Variants in PER2 observed in about 807,000 individuals in gnomAD.
The protein encoded by PER2 is period circadian protein homolog 2.
A neutral mutation model predicts 121.0 loss-of-function variants in PER2; 66 were observed. That is an observed-to-expected ratio of 0.55 (90% confidence interval 0.45 to 0.67). The LOEUF (loss-of-function observed/expected upper bound fraction) is 0.67, where lower values mean the gene tolerates loss of function less well. Ranked by LOEUF, PER2 falls within the 30% of genes least tolerant of loss-of-function variation. The pLI is 0.00. For missense variants in PER2, 1,521 were observed against 1,635.0 expected (o/e 0.93, Z 1.20); for synonymous variants, 684 against 659.9 (o/e 1.04, Z -0.56).
Position 238,253,676 on chromosome 2 carries a change from C to T in PER2, c.2347G>A (p.Gly783Arg), listed in dbSNP as rs764765324. ...RTAPGLRNTS[G>R]IDSPWKKTGK... ...GTTTTTTTCCAAGGTGAATCTATTC[C>T]GGAAGTATTTCTTAGTCCAGGGGCA... Residue 783 changes from glycine (G) to arginine (R), a missense_variant, in exon 19 of 23, where the codon GGA becomes AGA. By Grantham distance (125) the Gly-to-Arg change is moderately radical. Transcript: ENST00000254657. This position sits in a 1 kb window ranked among gnomAD's most constrained non-coding sequence, Gnocchi z 5.6. The T allele has an allele frequency of 1.4e-5, 23 of 1,607,798 alleles. No homozygotes were observed. Among genetic ancestry groups the T allele is most frequent in the Middle Eastern group, 1.7e-4 (1 of 6,040 alleles).
Position 238,255,673 on chromosome 2 carries a change from C to T in PER2, c.2304G>A (p.Gly768=), listed in dbSNP as rs746712355. Residue 768 remains glycine, a synonymous_variant, in exon 18 of 23, where the codon GGG becomes GGA. Coordinates refer to ENST00000254657, the MANE Select transcript of PER2 (RefSeq NM_022817.3). The part of the protein sequence containing the change: ...CHYYLQERSK[G]QPSERTAPGL... ...ATCACTTACTTCGTTCACTTGGCTG[C>T]CCCTTGGATCTTTCTTGCAAGTAGT... 1 of 1,614,116 alleles carries T rather than the reference C, an allele frequency of 6.2e-7. No individual in the cohort carries two copies. Among genetic ancestry groups the T allele is most frequent in the African/African-American group, 1.3e-5 (1 of 74,942 alleles).
chr2:238,254,955 T>C (rs1400962457), intron 18 of PER2: 2 of 152,488 alleles, frequency 1.3e-5, no homozygotes, highest in Non-Finnish European at 2.9e-5. Flanking sequence ...CTGGGCTCAC[T>C]GGCTCTGATC....
chr2:238,249,510 T>C (rs1018805749), intron 21 of PER2, among the ~76,000 whole-genome samples: 3 of 152,202 alleles, frequency 2.0e-5, no homozygotes, highest in Non-Finnish European at 2.9e-5. Flanking sequence ...ATGGTTCATC[T>C]GGGAGATTCT....
At position 238,258,419 on chromosome 2, in the gene PER2, C is replaced by T. The variant is rs767688264; in HGVS notation, c.1776-19G>A. On this transcript the variant is annotated intron_variant, in intron 15 of 22. Transcript: ENST00000254657. ...CAAGTACCTGTGTGAAAGGCATGAACCACTGGTGAGGCCACACAACATGAG... is the reference window on the plus strand; with the variant it reads ...CAAGTACCTGTGTGAAAGGCATGAATCACTGGTGAGGCCACACAACATGAG... 11 of 1,614,032 alleles carry T rather than the reference C, an allele frequency of 6.8e-6. No homozygotes were observed. In the Admixed American group the frequency reaches 1.8e-4, roughly 27 times the overall value.
At chr2:238,274,594 G>A (rs1696393857) in intron 4 of PER2, among the ~76,000 whole-genome samples, 1 of 152,194 alleles carries the variant, frequency 6.6e-6, no homozygotes, top group African/African-American at 2.4e-5. Context: ...ACCTTAAATG[G>A]ACATAATCAC....
In PER2 at chr2:238,284,456, A is replaced by G. The variant is rs372376210; in HGVS notation, c.-20+3893T>C. 3.6e-3 allele frequency among the ~76,000 whole-genome samples: 548 copies of G among 152,056 alleles called. 3 individuals are homozygous for G. The highest frequency in any genetic ancestry group is 0.011 in the African/African-American group (450 of 41,474). The stretch of plus-strand genomic sequence containing the variant: ...GACTCTATCTCAAAAAAAAAAAAAA[A>G]AGAGAGAGAAAACGAAAAAGAAAAA... On this transcript the variant is annotated intron_variant, in intron 1 of 22. Coordinates refer to ENST00000254657, the MANE Select transcript of PER2 (RefSeq NM_022817.3).
chr2:238,298,226 G>A, the PER2 span, among the ~76,000 whole-genome samples: 2 of 151,832 alleles, frequency 1.3e-5, no homozygotes, highest in Non-Finnish European at 2.9e-5. Flanking sequence ...AGTAGAGATG[G>A]GGTTTCACCG....
At chr2:238,269,389 C>T (rs112606939) in intron 6 of PER2, among the ~76,000 whole-genome samples, 168 of 142,948 alleles carry the variant, frequency 1.2e-3, no homozygotes, top group African/African-American at 4.1e-3. Flanking sequence ...AACACACTCA[C>T]GGTGCACTGC....
In PER2 at chr2:238,261,293, G is replaced by A. The variant is rs939667311; in HGVS notation, c.1417-340C>T. The A allele has an allele frequency of 1.5e-5, 6 of 399,216 alleles. No individual in the cohort carries two copies. The East Asian group carries it at 2.3e-4, about 15-fold the overall frequency. 24.7% of individuals were successfully genotyped at this position (399,216 alleles called of 1,614,324 possible). ...ATGACAGCTTCACTCCACAGTCTCC[G>A]GGAACTGACAGGCAGGCGCCTACTC... On this transcript the variant is annotated intron_variant, in intron 12 of 22. Coordinates refer to ENST00000254657, the MANE Select transcript of PER2 (RefSeq NM_022817.3).
the PER2 span, chr2:238,299,273 C>G: frequency 2.6e-5 from 4 of 151,462 alleles, no homozygotes; most frequent in Non-Finnish European, 5.9e-5. Context: ...GGCGCAGTGG[C>G]TCACATCTGT....
intron 11 of PER2, 131 bp from the exon 12 acceptor site, chr2:238,261,968 G>A: frequency 1.3e-6 from 1 of 742,894 alleles, no homozygotes; most frequent in Non-Finnish European, 2.3e-6. Flanking sequence ...CCAGGCTGCT[G>A]CCTGTCCACT....
intron 20 of PER2, among the ~76,000 whole-genome samples, chr2:238,250,995 G>A (rs964947270): frequency 1.3e-5 from 2 of 152,206 alleles, no homozygotes; most frequent in Non-Finnish European, 2.9e-5. Flanking sequence ...GTGGAGCTGC[G>A]TGTTAGAAGC....
At position 238,277,801 on chromosome 2, in the gene PER2, T is replaced by C. The variant is rs1468088628; in HGVS notation, c.136A>G (p.Asn46Asp). The change falls in exon 2 of 23, where the codon AAC becomes GAC. Residue 46 changes from asparagine (N) to aspartate (D), a missense_variant. Asn to Asp is a conservative substitution (Grantham distance 23). Coordinates refer to ENST00000254657, the MANE Select transcript of PER2 (RefSeq NM_022817.3). The part of the protein sequence containing the change: ...SGSSGHETNE[N>D]CSTGRDSQGS... ...TGCGAGTCCCGCCCCGTGGAGCAGTTTTCGTTGGTCTCATGTCCACTGGAG... is the reference window on the plus strand; with the variant it reads ...TGCGAGTCCCGCCCCGTGGAGCAGTCTTCGTTGGTCTCATGTCCACTGGAG... 6.2e-7 allele frequency: 1 copy of C among 1,614,194 alleles called. No homozygotes were observed. The highest frequency in any genetic ancestry group is 8.5e-7 in the Non-Finnish European group (1 of 1,180,026).
chr2:238,295,448 G>T, the PER2 span: 1 of 152,086 alleles, frequency 6.6e-6, no homozygotes. Flanking sequence ...GCTCAGTGAA[G>T]CCTCAAGTCC....
At position 238,265,617 on chromosome 2, in the gene PER2, T is replaced by C. The variant is rs1192080656; in HGVS notation, c.968-27A>G. The C allele has an allele frequency of 5.2e-6, 7 of 1,342,000 alleles. No homozygotes were observed. The Admixed American group carries it at 8.4e-5, about 16-fold the overall frequency. 83.1% of individuals were successfully genotyped at this position (1,342,000 alleles called of 1,614,324 possible). A position where few individuals can be genotyped will look rare whatever the true frequency, so the allele number is the denominator to read the frequency against. ...TGAAAGAACAGAATATTGCACACATTTGTGATCCTAAGAAATGCATATTTG... is the reference window on the plus strand; with the variant it reads ...TGAAAGAACAGAATATTGCACACATCTGTGATCCTAAGAAATGCATATTTG... On this transcript the variant is annotated intron_variant, in intron 8 of 22. Transcript: ENST00000254657.
In PER2 at chr2:238,271,389, G is replaced by A. The variant is rs528650592; in HGVS notation, c.695C>T (p.Ala232Val). 17 of 1,614,116 alleles carry A rather than the reference G, an allele frequency of 1.1e-5. No individual in the cohort carries two copies. Among genetic ancestry groups the A allele is most frequent in the African/African-American group, 2.7e-5 (2 of 75,046 alleles). ...FSDAKFVEFL[A>V]PHDVGVFHSF... ...GTGGAACACGCCCACATCGTGAGGC[G>A]CCAGGAACTCCACAAACTTGGCATC... Residue 232 changes from alanine to valine, a missense_variant, in exon 6 of 23, where the codon GCG becomes GTG. Coordinates refer to ENST00000254657, the MANE Select transcript of PER2 (RefSeq NM_022817.3).
At chr2:238,249,274 C>T (rs904466253) in intron 21 of PER2, 62 bp from the exon 22 acceptor site, 15 of 1,503,524 alleles carry the variant, frequency 1.0e-5, no homozygotes, top group Non-Finnish European at 1.3e-5. Context: ...TATTTTTATT[C>T]TTTCAGAATA....
intron 16 of PER2, 86 bp downstream of exon 16, chr2:238,258,190 G>C: frequency 7.0e-7 from 1 of 1,426,664 alleles, no homozygotes. Flanking sequence ...CTTACACTGT[G>C]TCCACAGAAG....
intron 1 of PER2, among the ~76,000 whole-genome samples, chr2:238,288,145 G>A (rs1234731352): frequency 2.6e-5 from 4 of 152,170 alleles, no homozygotes; most frequent in Non-Finnish European, 5.9e-5. Context: ...CCCTTCCCCA[G>A]CCCAGGACTT....
Sources: gnomAD v4.1 joint callset for allele counts (sites outside exome capture counted in the v4.1 genomes callset) on GRCh38, gnomAD v4.1.1 for gene constraint, Gnocchi (gnomAD v3.1) non-coding constraint, MANE v1.5 for transcripts, NCBI Gene and HGNC (gene_info 2026-07-23, HGNC 2026-07-21) for gene names.